The following MYO5B variants were observed in gnomAD, a reference collection of about 807,000 sequenced individuals.
The protein encoded by MYO5B is unconventional myosin-Vb.
Under a neutral mutation model 229.3 loss-of-function variants are expected in MYO5B, and 143 were observed. The ratio of observed to expected loss-of-function variants is 0.62; its 90% confidence interval spans 0.54 to 0.72. The LOEUF (loss-of-function observed/expected upper bound fraction) is 0.72, where lower values mean the gene tolerates loss of function less well. Ranked by LOEUF, MYO5B falls within the 30% of genes least tolerant of loss-of-function variation. The probability of loss-of-function intolerance (pLI) is 0.00; values close to 1 mark genes in which losing one functional copy is unlikely to be tolerated. For missense variants in MYO5B, 2,321 were observed against 2,331.0 expected (o/e 1.00, Z 0.09); for synonymous variants, 918 against 885.2 (o/e 1.04, Z -0.66).
chr18:49,979,066 AAG>A (rs1164434517), intron 9 of MYO5B, among the ~76,000 whole-genome samples: 3 of 152,282 alleles, frequency 2.0e-5, no homozygotes, highest in African/African-American at 7.2e-5. Flanking sequence ...ACTGGCCCTG[AAG>A]ACTCAGATTA....
At chr18:50,009,724 C>T (rs1426773882) in intron 4 of MYO5B, among the ~76,000 whole-genome samples, 1 of 152,164 alleles carries the variant, frequency 6.6e-6, no homozygotes, top group Non-Finnish European at 1.5e-5. Context: ...AGGGCTTCCT[C>T]CCAAAGTTGG....
chr18:49,942,665 A>T (rs911533388), intron 14 of MYO5B, among the ~76,000 whole-genome samples: 2 of 151,870 alleles, frequency 1.3e-5, no homozygotes, highest in African/African-American at 4.8e-5. Context: ...CCACAATGAG[A>T]TACCATCTCA....
At chr18:49,980,364 C>A (rs915031185) in intron 9 of MYO5B, 80 bp downstream of exon 9, 3 of 1,030,488 alleles carry the variant, frequency 2.9e-6, no homozygotes, top group African/African-American at 3.2e-5. Context: ...TGTCCTCTAA[C>A]TGGAAAGACA....
intron 1 of MYO5B, among the ~76,000 whole-genome samples, chr18:50,071,574 C>T (rs1220713731): frequency 6.6e-6 from 1 of 152,212 alleles, no homozygotes; most frequent in Non-Finnish European, 1.5e-5. Context: ...AGGGCTGTCA[C>T]CAGCTCGAGA....
At position 49,902,768 on chromosome 18, in the gene MYO5B, G is replaced by A. The variant is rs77000962; in HGVS notation, c.2637C>T (p.His879=). The part of the protein sequence containing the change: ...KHVRGWMARR[H]FQRLRDAAIV... ...TGGCTGCATCCCGCAGCCGCTGGAA[G>A]TGCCTGCGTGCCATCCAGCCCCGCA... Residue 879 remains histidine, a synonymous_variant, in exon 21 of 40, where the codon CAC becomes CAT. Transcript: ENST00000285039. 4 of 1,605,222 alleles carry A rather than the reference G, an allele frequency of 2.5e-6. No homozygotes were observed. Among genetic ancestry groups the A allele is most frequent in the Non-Finnish European group, 2.5e-6 (3 of 1,180,010 alleles).
chr18:49,878,992 A>G lies in MYO5B; in HGVS notation c.3229T>C (p.Leu1077=), dbSNP rs1210713215. The change falls in exon 24 of 40, where the codon TTG becomes CTG. Residue 1077 remains leucine, a synonymous_variant. Transcript: ENST00000285039. ...CGAAGGTTGTCGTATCTCTGCTCCA[A>G]CTGTGAATATTCCTTCACAAGGTTC... The part of the protein sequence containing the change: ...YQNLVKEYSQ[L]EQRYDNLRDE... 9 of 1,614,036 alleles carry G rather than the reference A, an allele frequency of 5.6e-6. No homozygotes were observed. The highest frequency in any genetic ancestry group is 1.1e-5 in the South Asian group (1 of 91,068).
At chr18:49,925,948 G>A (rs2025124418) in intron 17 of MYO5B, among the ~76,000 whole-genome samples, 1 of 152,180 alleles carries the variant, frequency 6.6e-6, no homozygotes. Flanking sequence ...GGTAGACTGG[G>A]AAAAGGAGTG....
rs184723047 is a variant in MYO5B, at chr18:49,872,238, T to C, written c.3538-6A>G. 99 of 1,614,012 alleles carry C rather than the reference T, an allele frequency of 6.1e-5. No individual in the cohort carries two copies. Among genetic ancestry groups the C allele is most frequent in the Non-Finnish European group, 8.1e-5 (96 of 1,179,874 alleles). The stretch of plus-strand genomic sequence containing the variant: ...TCAGTCTGTGGTGGTTCCGCCTGCA[T>C]GGATAGAGACACAAAGATAAGTGCA... On this transcript the variant is annotated splice_polypyrimidine_tract_variant and splice_region_variant and intron_variant, in intron 26 of 39. Coordinates refer to ENST00000285039, the MANE Select transcript of MYO5B (RefSeq NM_001080467.3).
intron 21 of MYO5B, among the ~76,000 whole-genome samples, chr18:49,897,869 C>T (rs1347078976): frequency 6.6e-6 from 1 of 152,098 alleles, no homozygotes; most frequent in Non-Finnish European, 1.5e-5. Context: ...AAAGTAATGT[C>T]CTGGACCTTC....
intron 4 of MYO5B, among the ~76,000 whole-genome samples, chr18:50,028,089 G>A (rs1437963779): frequency 6.6e-6 from 1 of 152,232 alleles, no homozygotes; most frequent in African/African-American, 2.4e-5. Flanking sequence ...TATCTTGATT[G>A]TGGTGATGGT....
chr18:50,132,397 T>C (rs764595066), intron 1 of MYO5B, among the ~76,000 whole-genome samples: 3 of 152,216 alleles, frequency 2.0e-5, no homozygotes, highest in Admixed American at 1.3e-4. Flanking sequence ...GAGACTTGTG[T>C]CCTTCTGTCG....
chr18:50,081,517 T>C (rs2031220350), intron 1 of MYO5B, among the ~76,000 whole-genome samples: 2 of 152,192 alleles, frequency 1.3e-5, no homozygotes, highest in Non-Finnish European at 2.9e-5. Context: ...ATCTTCATTG[T>C]GAAGGTACAC....
chr18:49,840,354 T>A (rs1354692019), intron 35 of MYO5B: 1 of 152,242 alleles, frequency 6.6e-6, no homozygotes, highest in Admixed American at 6.5e-5. Flanking sequence ...ATCTCTTTTA[T>A]AATAAAAGCA....
intron 19 of MYO5B, among the ~76,000 whole-genome samples, chr18:49,905,151 A>G (rs2024885674): frequency 6.6e-6 from 1 of 152,042 alleles, no homozygotes; most frequent in Admixed American, 6.5e-5. Flanking sequence ...GTCCTCAACT[A>G]CTTCACCAGT....
chr18:50,167,428 C>T (rs2032867623), intron 1 of MYO5B, among the ~76,000 whole-genome samples: 1 of 152,220 alleles, frequency 6.6e-6, no homozygotes, highest in Non-Finnish European at 1.5e-5. Flanking sequence ...TTCTATTCAT[C>T]CCCACTCCAT....
intron 10 of MYO5B, 84 bp downstream of exon 10, chr18:49,974,266 T>A (rs2025720190): frequency 1.3e-6 from 2 of 1,591,900 alleles, no homozygotes; most frequent in South Asian, 1.1e-5. Context: ...ACCAGGAAGC[T>A]CTCCAATGCC....
At chr18:50,157,559 T>C (rs1296803415) in intron 1 of MYO5B, among the ~76,000 whole-genome samples, 2 of 152,208 alleles carry the variant, frequency 1.3e-5, no homozygotes, top group East Asian at 3.9e-4. Context: ...TTGGCTTTTC[T>C]CTCAGCTCCA....
At position 49,936,268 on chromosome 18, in the gene MYO5B, C is replaced by G; in HGVS notation, c.1987G>C (p.Glu663Gln). ...HYVRCIKPND[E>Q]KLPFHFDPKR... ...GGCACTTACTGAAAGGGGAGCTTCTCATCGTTGGGCTTGATGCAGCGGACA... is the reference window on the plus strand; with the variant it reads ...GGCACTTACTGAAAGGGGAGCTTCTGATCGTTGGGCTTGATGCAGCGGACA... Residue 663 changes from glutamate to glutamine, a missense_variant, in exon 16 of 40, where the codon GAG (glutamate) becomes CAG (glutamine). Physicochemically the swap from Glu to Gln is conservative, Grantham distance 29. Coordinates refer to ENST00000285039, the MANE Select transcript of MYO5B (RefSeq NM_001080467.3). The G allele has an allele frequency of 6.3e-7, 1 of 1,598,138 alleles. No individual in the cohort carries two copies. The highest frequency in any genetic ancestry group is 8.5e-7 in the Non-Finnish European group (1 of 1,171,622).
chr18:49,962,685 A>T (rs1568049450), intron 11 of MYO5B, among the ~76,000 whole-genome samples: 1 of 192 alleles, frequency 5.2e-3, no homozygotes, highest in Non-Finnish European at 0.01. Flanking sequence ...TGTTGCTTAA[A>T]TACCCTAACA....
Sources: allele counts gnomAD v4.1 joint callset (sites outside exome capture counted in the v4.1 genomes callset), GRCh38; gene constraint gnomAD v4.1.1; transcripts MANE v1.5; gene names NCBI Gene and HGNC (gene_info 2026-07-23, HGNC 2026-07-21).